The following DCC variants were observed in gnomAD, a reference collection of about 807,000 sequenced individuals.
DCC encodes the protein DCC netrin 1 receptor, also known as netrin receptor DCC.
DCC carries 58 observed loss-of-function variants against 172.5 expected under a neutral mutation model. The observed-to-expected ratio is 0.34, with a 90% CI of 0.27 to 0.42. The LOEUF is 0.42. Ranked by LOEUF, DCC falls within the 10% of genes least tolerant of loss-of-function variation. The pLI is 1.00. For synonymous variants in DCC, 709 were observed against 644.5 expected (o/e 1.10, Z -1.52); for missense variants, 1,740 against 1,791.0 (o/e 0.97, Z 0.51).
rs183967291 is a variant in DCC at position 53,152,476 on chromosome 18, T to C, written c.1262-4880T>C. On this transcript the variant is annotated intron_variant, in intron 7 of 28. Coordinates refer to ENST00000442544, the MANE Select transcript of DCC (RefSeq NM_005215.4). ...GCAGGGGACCTAAACAAAATATTAT[T>C]TTTTGGCTTCAAAACTATGAATATT... Among the ~76,000 whole-genome samples the C allele has an allele frequency of 3.7e-3, 570 of 152,276 alleles. 2 individuals are homozygous for C. The highest frequency in any genetic ancestry group is 0.013 in the African/African-American group (551 of 41,570).
intron 23 of DCC, 99 bp downstream of exon 23, chr18:53,450,761 G>C (rs2045401338): frequency 9.9e-7 from 1 of 1,014,210 alleles, no homozygotes; most frequent in Admixed American, 1.9e-5. Context: ...TTCACCCCAT[G>C]TCCTTACTTC....
At chr18:52,352,020 A>T (rs1192173890) in intron 1 of DCC, among the ~76,000 whole-genome samples, 1 of 152,186 alleles carries the variant, frequency 6.6e-6, no homozygotes, top group African/African-American at 2.4e-5. Flanking sequence ...GGGAAAAAGC[A>T]TCCCAGCTAT....
intron 12 of DCC, among the ~76,000 whole-genome samples, chr18:53,267,654 C>T (rs1001824403): frequency 2.7e-4 from 41 of 151,996 alleles, no homozygotes; most frequent in Admixed American, 4.6e-4. Context: ...TTTGTACAGA[C>T]GGGGTCACAC....
chr18:52,923,943 C>T, intron 4 of DCC, 86 bp downstream of exon 4: 1 of 950,576 alleles, frequency 1.1e-6, no homozygotes, highest in Non-Finnish European at 1.7e-6. Flanking sequence ...GATATAAGTA[C>T]CTACAGTACT....
intron 2 of DCC, among the ~76,000 whole-genome samples, chr18:52,783,274 A>G (rs543090911): frequency 6.8e-6 from 1 of 146,238 alleles, no homozygotes; most frequent in Admixed American, 7.1e-5. Flanking sequence ...CTCCTTGAAT[A>G]CAGTAAGCAT....
intron 10 of DCC, among the ~76,000 whole-genome samples, chr18:53,205,764 G>A (rs1351881760): frequency 6.6e-6 from 1 of 151,996 alleles, no homozygotes; most frequent in East Asian, 1.9e-4. Context: ...TTCATTCTAA[G>A]ACATTTATAT....
chr18:53,131,277 G>A (rs765301808), intron 7 of DCC, among the ~76,000 whole-genome samples: 4 of 151,774 alleles, frequency 2.6e-5, no homozygotes, highest in African/African-American at 9.7e-5. Context: ...TCTCAAGAAG[G>A]GCTTTGAAAA....
At chr18:53,169,691 A>G (rs958007066) in intron 8 of DCC, among the ~76,000 whole-genome samples, 2 of 152,126 alleles carry the variant, frequency 1.3e-5, no homozygotes, top group Admixed American at 1.3e-4. Context: ...GAGAGGGAGG[A>G]GGCTTGGGGT....
chr18:53,016,783 A>G (rs1483944935), intron 5 of DCC, among the ~76,000 whole-genome samples: 4 of 152,124 alleles, frequency 2.6e-5, no homozygotes, highest in Non-Finnish European at 5.9e-5. Context: ...ATCTAACTAT[A>G]TTTGTTTTCA....
intron 22 of DCC, among the ~76,000 whole-genome samples, chr18:53,442,142 T>C (rs1042387311): frequency 6.6e-6 from 1 of 152,222 alleles, no homozygotes; most frequent in Admixed American, 6.5e-5. Context: ...TTAGCACTAG[T>C]TATAATTGTA....
chr18:53,493,824 C>A (rs1416227451), intron 26 of DCC, among the ~76,000 whole-genome samples: 1 of 151,862 alleles, frequency 6.6e-6, no homozygotes, highest in African/African-American at 2.4e-5. Context: ...GTCTCTATCT[C>A]CTTCAGTTCT....
chr18:53,118,810 C>T (rs1031703469), intron 7 of DCC, among the ~76,000 whole-genome samples: 7 of 151,750 alleles, frequency 4.6e-5, no homozygotes, highest in African/African-American at 7.3e-5. Flanking sequence ...GTCTATCTGA[C>T]TCCAAAGCCT....
chr18:52,520,909 G>A (rs1427720528), intron 1 of DCC, among the ~76,000 whole-genome samples: 4 of 152,132 alleles, frequency 2.6e-5, no homozygotes, highest in African/African-American at 4.8e-5. Context: ...AAATTCTTTG[G>A]ACTTACAAAC....
chr18:52,345,796 T>A (rs1466974142), intron 1 of DCC, among the ~76,000 whole-genome samples: 1 of 150,642 alleles, frequency 6.6e-6, no homozygotes, highest in Middle Eastern at 3.2e-3. Flanking sequence ...GGTGGAGAGT[T>A]AAACTGTACT....
intron 15 of DCC, among the ~76,000 whole-genome samples, chr18:53,385,834 C>G (rs538882528): frequency 6.6e-6 from 1 of 152,232 alleles, no homozygotes; most frequent in South Asian, 2.1e-4. Context: ...CCTAGTAGTT[C>G]AGTATGTTTT....
At chr18:52,805,211 G>C (rs1004934715) in intron 2 of DCC, among the ~76,000 whole-genome samples, 20 of 152,126 alleles carry the variant, frequency 1.3e-4, no homozygotes, top group Admixed American at 6.5e-4. Context: ...CCTTCTCTCT[G>C]TGCCTTTCAA....
At chr18:52,708,489 A>C (rs2036246235) in intron 1 of DCC, among the ~76,000 whole-genome samples, 1 of 152,064 alleles carries the variant, frequency 6.6e-6, no homozygotes, top group Non-Finnish European at 1.5e-5. Context: ...ACCCTAACCC[A>C]GAACCAGAAC....
chr18:53,342,236 A>T (rs1315802505), intron 15 of DCC, among the ~76,000 whole-genome samples: 1 of 152,068 alleles, frequency 6.6e-6, no homozygotes, highest in African/African-American at 2.4e-5. Context: ...GAACATTTTG[A>T]GTAATATCTA....
In DCC at chr18:52,597,917, A is replaced by G. The variant is rs138133955; in HGVS notation, c.92-154137A>G. On this transcript the variant is annotated intron_variant, in intron 1 of 28. Coordinates refer to ENST00000442544, the MANE Select transcript of DCC (RefSeq NM_005215.4). ...GTTTGGTTTCTAAGAGCACTGAATC[A>G]TTTAAATGTCCTGTTTATTAACTCA... Among the ~76,000 whole-genome samples, 28 of 152,326 alleles carry G rather than the reference A, an allele frequency of 1.8e-4. No individual in the cohort carries two copies. In the East Asian group the frequency reaches 5.2e-3, roughly 28 times the overall value.
Sources: gnomAD v4.1 joint callset for allele counts (sites outside exome capture counted in the v4.1 genomes callset) on GRCh38, gnomAD v4.1.1 for gene constraint, MANE v1.5 for transcripts, NCBI Gene and HGNC (gene_info 2026-07-23, HGNC 2026-07-21) for gene names.